The following ROBO2 variants were observed in gnomAD, a reference collection of about 807,000 sequenced individuals.
ROBO2 encodes roundabout homolog 2.
In ROBO2, 53 loss-of-function variants were observed where a neutral mutation model predicts 160.8. That is an observed-to-expected ratio of 0.33 (90% CI 0.26 to 0.41). The LOEUF (loss-of-function observed/expected upper bound fraction) is 0.41. ROBO2 is among the 10% of genes least tolerant of loss of function. The pLI is 1.00. For synonymous variants in ROBO2, 664 were observed against 611.7 expected (o/e 1.09, Z -1.26); for missense variants, 1,577 against 1,722.4 (o/e 0.92, Z 1.49).
intron 2 of ROBO2, among the ~76,000 whole-genome samples, chr3:76,286,995 A>C (rs565949556): frequency 1.3e-5 from 2 of 152,308 alleles, no homozygotes; most frequent in South Asian, 4.1e-4. Context: ...CCAAATGGAC[A>C]TTACTGTACC....
At chr3:76,760,087 G>C (rs1421157349) in intron 2 of ROBO2, among the ~76,000 whole-genome samples, 2 of 151,742 alleles carry the variant, frequency 1.3e-5, no homozygotes, top group Non-Finnish European at 2.9e-5. Context: ...GAGTGGAGAA[G>C]GCACAAGGGA....
chr3:76,445,788 C>G (rs1251574137), intron 2 of ROBO2, among the ~76,000 whole-genome samples: 1 of 152,104 alleles, frequency 6.6e-6, no homozygotes, highest in Non-Finnish European at 1.5e-5. Flanking sequence ...AAGACAAAAA[C>G]CACATAATTA....
intron 2 of ROBO2, among the ~76,000 whole-genome samples, chr3:76,240,978 C>G (rs557757239): frequency 6.6e-6 from 1 of 152,248 alleles, no homozygotes; most frequent in Non-Finnish European, 1.5e-5. Flanking sequence ...AAAATATAGT[C>G]CTATGGAAGT....
At chr3:76,651,693 C>T (rs1251281688) in intron 2 of ROBO2, among the ~76,000 whole-genome samples, 1 of 152,000 alleles carries the variant, frequency 6.6e-6, no homozygotes, top group Non-Finnish European at 1.5e-5. Flanking sequence ...ACTAGTTACA[C>T]TTTAAAAATA....
chr3:75,952,926 T>C lies in ROBO2; in HGVS notation c.109+15324T>C, dbSNP rs1262516623. ...ACTTTTCAGACTGGCTTCTTTCACT[T>C]GGCAATATGCATTTAAAGGTTCCTG... On this transcript the variant is annotated intron_variant, in intron 2 of 26. Coordinates refer to the ROBO2 transcript ENST00000487694. Among the ~76,000 whole-genome samples, 3 of 151,942 alleles carry C rather than the reference T, an allele frequency of 2.0e-5. No homozygotes were observed. The East Asian group carries it at 5.8e-4, about 30-fold the overall frequency.
chr3:77,244,711 C>G (rs1387516655), intron 2 of ROBO2, among the ~76,000 whole-genome samples: 2 of 151,872 alleles, frequency 1.3e-5, no homozygotes, highest in East Asian at 3.9e-4. Context: ...AACCCCATCT[C>G]TACTAAAATA....
intron 2 of ROBO2, among the ~76,000 whole-genome samples, chr3:77,392,858 C>T (rs2074880614): frequency 6.6e-6 from 1 of 152,074 alleles, no homozygotes; most frequent in African/African-American, 2.4e-5. Flanking sequence ...TTGGTCTGTT[C>T]CGTGTTATAC....
At chr3:76,272,555 T>G (rs1707501761) in intron 2 of ROBO2, among the ~76,000 whole-genome samples, 2 of 149,744 alleles carry the variant, frequency 1.3e-5, no homozygotes, top group South Asian at 4.2e-4. Context: ...CCCAGCTACT[T>G]GGGAGGCTAA....
At chr3:77,053,277 A>G (rs1223749401) in intron 1 of ROBO2, among the ~76,000 whole-genome samples, 1 of 152,174 alleles carries the variant, frequency 6.6e-6, no homozygotes, top group Non-Finnish European at 1.5e-5. Flanking sequence ...TAGACAGTAA[A>G]TTAAGCCATG....
At chr3:76,196,667 GA>G (rs1702277204) in intron 2 of ROBO2, among the ~76,000 whole-genome samples, 1 of 151,938 alleles carries the variant, frequency 6.6e-6, no homozygotes, top group African/African-American at 2.4e-5. Context: ...ATTCTGTAAG[GA>G]AAAACTGGCA....
intron 2 of ROBO2, among the ~76,000 whole-genome samples, chr3:76,828,134 G>A (rs1390597083): frequency 6.6e-6 from 1 of 152,100 alleles, no homozygotes; most frequent in South Asian, 2.1e-4. Flanking sequence ...GCAATCTGGA[G>A]AGACCTGAGT....
intron 2 of ROBO2, among the ~76,000 whole-genome samples, chr3:76,928,445 TATG>T (rs1464604553): frequency 7.0e-6 from 1 of 142,010 alleles, no homozygotes; most frequent in Non-Finnish European, 1.5e-5. Context: ...CTACTAAGTT[TATG>T]ATAATTTTTT....
intron 21 of ROBO2, among the ~76,000 whole-genome samples, chr3:77,613,326 A>C (rs1365671718): frequency 6.6e-6 from 1 of 152,084 alleles, no homozygotes; most frequent in African/African-American, 2.4e-5. Context: ...ATAACAGACT[A>C]TTTCCATTTG....
At chr3:76,556,937 T>C (rs1223622438) in intron 2 of ROBO2, among the ~76,000 whole-genome samples, 1 of 152,132 alleles carries the variant, frequency 6.6e-6, no homozygotes, top group Non-Finnish European at 1.5e-5. Flanking sequence ...TAATTCTAAA[T>C]AATAAGCTAT....
At chr3:76,309,730 T>C (rs1283739373) in intron 2 of ROBO2, among the ~76,000 whole-genome samples, 1 of 152,146 alleles carries the variant, frequency 6.6e-6, no homozygotes, top group Non-Finnish European at 1.5e-5. Context: ...ACCATACATA[T>C]ACTAACATGT....
intron 2 of ROBO2, among the ~76,000 whole-genome samples, chr3:77,473,611 G>T (rs1173059453): frequency 6.6e-6 from 1 of 151,618 alleles, no homozygotes; most frequent in African/African-American, 2.4e-5. Flanking sequence ...CCGCCACTGC[G>T]CCAGGCTAAT....
intron 2 of ROBO2, among the ~76,000 whole-genome samples, chr3:76,112,466 T>C (rs2070277752): frequency 6.6e-6 from 1 of 152,000 alleles, no homozygotes; most frequent in Non-Finnish European, 1.5e-5. Context: ...TCCTTGGGTT[T>C]TTAGGCTTAT....
intron 5 of ROBO2, among the ~76,000 whole-genome samples, chr3:77,496,231 T>C (rs1164141925): frequency 6.6e-6 from 1 of 152,212 alleles, no homozygotes; most frequent in Admixed American, 6.5e-5. Context: ...ATGGAAGTGC[T>C]GTGTAAGCTT....
rs374493459 is a variant in ROBO2 at position 77,439,506 on chromosome 3, T to C, written c.389-37908T>C. ...AGTTCTGAAAAAGATGGACTGCATT[T>C]TTCTCTTCTCTTATTCTCTGGCATT... On this transcript the variant is annotated intron_variant, in intron 2 of 25. Coordinates refer to ENST00000461745, the Ensembl canonical transcript of ROBO2. Among the ~76,000 whole-genome samples the C allele has an allele frequency of 2.6e-5, 4 of 152,276 alleles. No homozygotes were observed. The East Asian group carries it at 7.7e-4, about 29-fold the overall frequency.
Sources: allele counts gnomAD v4.1 joint callset (sites outside exome capture counted in the v4.1 genomes callset), GRCh38; gene constraint gnomAD v4.1.1; transcripts MANE v1.5; gene names NCBI Gene and HGNC (gene_info 2026-07-23, HGNC 2026-07-21).